Variants in IL33 observed in about 807,000 individuals in gnomAD.
IL33 encodes the protein interleukin 33, also known as interleukin-33.
Under a neutral mutation model 27.3 loss-of-function variants are expected in IL33, and 37 were observed. The ratio of observed to expected loss-of-function variants is 1.36; its 90% confidence interval spans 1.04 to 1.78. The LOEUF (loss-of-function observed/expected upper bound fraction) is 1.78. Ranked by LOEUF, IL33 falls within the 40% of genes most tolerant of loss-of-function variation. IL33 has a pLI of 0.00. For synonymous variants in IL33, 132 were observed against 102.9 expected, an observed-to-expected ratio of 1.28 and a Z score of -1.71; for missense variants, 406 against 311.4, an observed-to-expected ratio of 1.30 and a Z score of -2.29.
intron 1 of IL33, among the ~76,000 whole-genome samples, chr9:6,230,380 T>C (rs1818869078): frequency 6.6e-6 from 1 of 152,098 alleles, no homozygotes; most frequent in African/African-American, 2.4e-5. Context: ...TTCAGAGTGG[T>C]GGAGGGTAGG....
chr9:6,231,044 C>G (rs1480582363), intron 1 of IL33, among the ~76,000 whole-genome samples: 1 of 152,188 alleles, frequency 6.6e-6, no homozygotes, highest in Non-Finnish European at 1.5e-5. Flanking sequence ...AACATTGCAG[C>G]TACTACTATC....
intron 2 of IL33, among the ~76,000 whole-genome samples, chr9:6,246,180 T>C (rs1445066282): frequency 6.8e-6 from 1 of 146,060 alleles, no homozygotes; most frequent in Non-Finnish European, 1.5e-5. Context: ...CAGAAAAAGA[T>C]AAAGACATTT....
At chr9:6,252,617 C>G (rs1029716902) in intron 4 of IL33, among the ~76,000 whole-genome samples, 6 of 152,150 alleles carry the variant, frequency 3.9e-5, no homozygotes, top group African/African-American at 1.4e-4. Flanking sequence ...TTTTCCCCAC[C>G]AAACCCTCCC....
intron 1 of IL33, among the ~76,000 whole-genome samples, chr9:6,226,895 G>C (rs1209286200): frequency 2.0e-5 from 3 of 152,204 alleles, no homozygotes; most frequent in Non-Finnish European, 4.4e-5. Flanking sequence ...ACTTTTCTGT[G>C]GGAATGTTTG....
At chr9:6,252,002 A>ACT (rs1816390235) in intron 4 of IL33, among the ~76,000 whole-genome samples, 1 of 147,636 alleles carries the variant, frequency 6.8e-6, no homozygotes, top group African/African-American at 2.5e-5. Flanking sequence ...ATGTCAGGGC[A>ACT]CTCTCGCCTG....
intron 1 of IL33, 59 bp from the exon 2 acceptor site, chr9:6,241,625 T>G: frequency 1.0e-6 from 1 of 989,960 alleles, no homozygotes; most frequent in Non-Finnish European, 1.5e-6. Flanking sequence ...TAGCCACAGT[T>G]GTTTCCGTTT....
At chr9:6,252,621 C>A (rs1456606347) in intron 4 of IL33, among the ~76,000 whole-genome samples, 1 of 152,176 alleles carries the variant, frequency 6.6e-6, no homozygotes, top group South Asian at 2.1e-4. Flanking sequence ...CCCCACCAAA[C>A]CCTCCCATAA....
chr9:6,248,415 T>G (rs983548813), intron 2 of IL33, among the ~76,000 whole-genome samples: 1 of 151,866 alleles, frequency 6.6e-6, no homozygotes. Context: ...TGGGAGTGGT[T>G]TGGTTATCAA....
intron 1 of IL33, among the ~76,000 whole-genome samples, chr9:6,235,160 T>G (rs1031757064): frequency 1.3e-5 from 2 of 152,168 alleles, no homozygotes; most frequent in Admixed American, 6.5e-5. Context: ...CCCACCTCAG[T>G]CTCCCAAGTA....
chr9:6,253,483 G>A, intron 5 of IL33, 69 bp from the exon 6 acceptor site: 1 of 994,748 alleles, frequency 1.0e-6, no homozygotes, highest in Admixed American at 2.0e-5. Flanking sequence ...CTGATGTTAT[G>A]TGTGTGTTGG....
At chr9:6,215,219 C>G (rs144221353), upstream of IL33, among the ~76,000 whole-genome samples, 3 of 152,276 alleles carry the variant, frequency 2.0e-5, no homozygotes, top group Non-Finnish European at 4.4e-5. Flanking sequence ...AGAACAACTT[C>G]TCATGGGATC....
intron 4 of IL33, among the ~76,000 whole-genome samples, chr9:6,252,361 G>T (rs1358765308): frequency 6.6e-6 from 1 of 151,924 alleles, no homozygotes; most frequent in Non-Finnish European, 1.5e-5. Context: ...TGGGTATTTT[G>T]ACACTTTTTA....
intron 1 of IL33, among the ~76,000 whole-genome samples, chr9:6,225,939 G>A (rs1002756352): frequency 6.6e-6 from 1 of 151,988 alleles, no homozygotes; most frequent in East Asian, 1.9e-4. Flanking sequence ...TGATGCCCTG[G>A]CTGATCTCAC....
rs558032183 is a variant in IL33, at chr9:6,238,369, G to A, written c.-11-3315G>A. On this transcript the variant is annotated intron_variant, in intron 1 of 7. Transcript: ENST00000682010. Reference sequence around the variant, plus strand: ...ATAAAAGTTCATGTGAGGTCTTCAAGCTGTGTGAGCACAACATTTACTCCC... The same window carrying A: ...ATAAAAGTTCATGTGAGGTCTTCAAACTGTGTGAGCACAACATTTACTCCC... Among the ~76,000 whole-genome samples, 2 of 152,340 alleles carry A rather than the reference G, an allele frequency of 1.3e-5. 1 individual carries two copies. The highest frequency in any genetic ancestry group is 3.9e-4 in the East Asian group (2 of 5,184).
chr9:6,228,134 A>G (rs917385615), intron 1 of IL33, among the ~76,000 whole-genome samples: 6 of 152,196 alleles, frequency 3.9e-5, no homozygotes, highest in Non-Finnish European at 7.4e-5. Flanking sequence ...CATAGTAAAC[A>G]CTATATAAGG....
At chr9:6,229,048 T>C (rs1242079624) in intron 1 of IL33, among the ~76,000 whole-genome samples, 1 of 151,952 alleles carries the variant, frequency 6.6e-6, no homozygotes, top group Non-Finnish European at 1.5e-5. Context: ...GTACCCTTTG[T>C]GTGAATAAGG....
chr9:6,225,834 T>C (rs1394894055), intron 1 of IL33, among the ~76,000 whole-genome samples: 1 of 152,064 alleles, frequency 6.6e-6, no homozygotes, highest in Non-Finnish European at 1.5e-5. Context: ...GCGACCCTCC[T>C]ACCTCATCCA....
chr9:6,234,115 T>C (rs1231723997), intron 1 of IL33, among the ~76,000 whole-genome samples: 1 of 152,218 alleles, frequency 6.6e-6, no homozygotes, highest in Admixed American at 6.5e-5. Flanking sequence ...TCCCCTTACA[T>C]GTTAGATATT....
intron 1 of IL33, among the ~76,000 whole-genome samples, chr9:6,224,108 TA>T (rs1564049366): frequency 6.6e-6 from 1 of 152,174 alleles, no homozygotes; most frequent in Admixed American, 6.6e-5. Context: ...TTTCCCTATT[TA>T]TATAAGCACT....
Sources: gnomAD v4.1 joint callset for allele counts (sites outside exome capture counted in the v4.1 genomes callset) on GRCh38, gnomAD v4.1.1 for gene constraint, MANE v1.5 for transcripts, NCBI Gene and HGNC (gene_info 2026-07-23, HGNC 2026-07-21) for gene names.